The following GPM6A variants were observed in gnomAD, a reference collection of about 807,000 sequenced individuals.
The protein encoded by GPM6A is neuronal membrane glycoprotein M6-a.
Under a neutral mutation model 32.1 loss-of-function variants are expected in GPM6A, and 7 were observed. That is an observed-to-expected ratio of 0.22 (90% CI 0.12 to 0.41). The LOEUF (loss-of-function observed/expected upper bound fraction) is 0.41, where lower values mean the gene tolerates loss of function less well. GPM6A is among the 10% of genes least tolerant of loss of function. GPM6A has a pLI of 1.00. For synonymous variants in GPM6A, 130 were observed against 123.4 expected (o/e 1.05, Z -0.35); for missense variants, 235 against 347.2 (o/e 0.68, Z 2.57).
At chr4:175,765,955 A>G (rs920219824) in intron 1 of GPM6A, among the ~76,000 whole-genome samples, 11 of 152,320 alleles carry the variant, frequency 7.2e-5, no homozygotes, top group East Asian at 1.9e-4. Context: ...CTATTCATAC[A>G]TCATATTCTC....
At chr4:175,870,100 T>C (rs1736859751) in intron 1 of GPM6A, among the ~76,000 whole-genome samples, 1 of 152,340 alleles carries the variant, frequency 6.6e-6, no homozygotes, top group Non-Finnish European at 1.5e-5. Flanking sequence ...ATTGCCATAG[T>C]AGTATAGTGT....
intron 2 of GPM6A, among the ~76,000 whole-genome samples, chr4:175,688,290 AC>A (rs149773729): frequency 1.3e-5 from 2 of 152,264 alleles, no homozygotes; most frequent in East Asian, 3.9e-4. Flanking sequence ...AAAGGTATGA[AC>A]TTTTCTCCTA....
chr4:175,999,000 A>T (rs1317955088), intron 1 of GPM6A, among the ~76,000 whole-genome samples: 2 of 152,142 alleles, frequency 1.3e-5, no homozygotes, highest in Admixed American at 1.3e-4. Context: ...CCTTACTGCC[A>T]TGAGAAGGAG....
At chr4:175,772,907 C>T (rs188174010) in intron 1 of GPM6A, among the ~76,000 whole-genome samples, 62 of 152,180 alleles carry the variant, frequency 4.1e-4, no homozygotes, top group African/African-American at 1.4e-3. Context: ...TGCTTAAAAC[C>T]CAAAGCATTT....
intron 1 of GPM6A, among the ~76,000 whole-genome samples, chr4:175,847,997 G>A (rs1736140730): frequency 6.6e-6 from 1 of 152,136 alleles, no homozygotes; most frequent in Admixed American, 6.6e-5. Context: ...TCCTAACAAA[G>A]TACAATGTTC....
At chr4:175,862,425 C>A (rs1736602452) in intron 1 of GPM6A, among the ~76,000 whole-genome samples, 1 of 152,154 alleles carries the variant, frequency 6.6e-6, no homozygotes, top group Non-Finnish European at 1.5e-5. Context: ...TATTTTTGCT[C>A]AACATTATGT....
Position 175,673,799 on chromosome 4 carries a change from C to T in GPM6A, c.268G>A (p.Ala90Thr). 6 of 1,610,794 alleles carry T rather than the reference C, an allele frequency of 3.7e-6. No individual in the cohort carries two copies. Among genetic ancestry groups the T allele is most frequent in the Non-Finnish European group, 5.1e-6 (6 of 1,177,510 alleles). ...IFKYVIYGIA[A>T]AFFVYGILLM... ...AAAATGCCATACACAAAGAACGCAG[C>T]TGCGATGCCGTAGATCACATACTTA... The change falls in exon 3 of 7, where the codon GCT (alanine) becomes ACT (threonine). Residue 90 changes from alanine (A) to threonine (T), a missense_variant. Coordinates refer to ENST00000393658, the MANE Select transcript of GPM6A (RefSeq NM_201591.3).
intron 3 of GPM6A, among the ~76,000 whole-genome samples, chr4:175,663,790 T>G (rs1186925377): frequency 3.3e-5 from 5 of 150,420 alleles, no homozygotes; most frequent in Non-Finnish European, 7.4e-5. Flanking sequence ...ACGTCCTGGG[T>G]TCACGCCATT....
chr4:175,739,301 C>A (rs182852586), intron 1 of GPM6A, among the ~76,000 whole-genome samples: 1 of 152,182 alleles, frequency 6.6e-6, no homozygotes, highest in East Asian at 1.9e-4. Context: ...AATATAAATT[C>A]AATCGTCAAT....
At chr4:175,936,327 A>C (rs1269568872) in intron 1 of GPM6A, among the ~76,000 whole-genome samples, 3 of 149,862 alleles carry the variant, frequency 2.0e-5, no homozygotes, top group South Asian at 2.1e-4. Flanking sequence ...AAAAAAAAAA[A>C]AAAAAAAAAC....
chr4:175,653,107 C>T (rs1319666110), intron 3 of GPM6A, among the ~76,000 whole-genome samples: 1 of 152,056 alleles, frequency 6.6e-6, no homozygotes, highest in Non-Finnish European at 1.5e-5. Context: ...ACAAGTCAAA[C>T]TTATTCAATA....
At chr4:175,802,590 A>T (rs547109657) in intron 1 of GPM6A, among the ~76,000 whole-genome samples, 85 of 152,246 alleles carry the variant, frequency 5.6e-4, no homozygotes, top group Non-Finnish European at 1.0e-3. Flanking sequence ...ATTACTAAAC[A>T]TATCCTAGAA....
intron 2 of GPM6A, among the ~76,000 whole-genome samples, chr4:175,675,410 T>C (rs1176923054): frequency 6.6e-6 from 1 of 152,110 alleles, no homozygotes; most frequent in Non-Finnish European, 1.5e-5. Flanking sequence ...ACACTGGGAA[T>C]GTATTAATTA....
intron 1 of GPM6A, among the ~76,000 whole-genome samples, chr4:175,954,779 G>C (rs1036180933): frequency 2.0e-5 from 3 of 152,192 alleles, no homozygotes; most frequent in African/African-American, 7.2e-5. Flanking sequence ...ATTTGGACTT[G>C]GAGTATTTTC....
At chr4:175,962,805 A>C (rs1246833341) in intron 1 of GPM6A, among the ~76,000 whole-genome samples, 1 of 152,214 alleles carries the variant, frequency 6.6e-6, no homozygotes, top group Non-Finnish European at 1.5e-5. Context: ...CTAAAAGATA[A>C]ACAAAATTTA....
At chr4:175,710,039 C>T (rs1157107575) in intron 1 of GPM6A, among the ~76,000 whole-genome samples, 1 of 152,074 alleles carries the variant, frequency 6.6e-6, no homozygotes, top group Non-Finnish European at 1.5e-5. Context: ...AAAAGTGCAA[C>T]TCTGCTATGT....
rs190257879 is a variant in GPM6A at position 175,971,313 on chromosome 4, T to C, written c.-23+30996A>G. 5.3e-5 allele frequency among the ~76,000 whole-genome samples: 8 copies of C among 151,948 alleles called. No homozygotes were observed. The East Asian group carries it at 1.5e-3, about 29-fold the overall frequency. On this transcript the variant is annotated intron_variant, in intron 1 of 7. Transcript: ENST00000280187. ...TTCTGAAAAGGACCCGGTACCTGCCTTTAGGTTACTATGCATCAAAACCAA... is the reference window on the plus strand; with the variant it reads ...TTCTGAAAAGGACCCGGTACCTGCCCTTAGGTTACTATGCATCAAAACCAA...
At chr4:175,699,249 A>T (rs993809976) in intron 2 of GPM6A, among the ~76,000 whole-genome samples, 3 of 152,172 alleles carry the variant, frequency 2.0e-5, no homozygotes, top group African/African-American at 7.2e-5. Context: ...ACCTGCAATA[A>T]TCTAGAGCAT....
At chr4:175,700,311 A>C (rs1272823697) in intron 2 of GPM6A, among the ~76,000 whole-genome samples, 1 of 152,222 alleles carries the variant, frequency 6.6e-6, no homozygotes, top group Non-Finnish European at 1.5e-5. Flanking sequence ...TGTTCAAGAT[A>C]ATCTGCCTAA....
Sources: allele counts gnomAD v4.1 joint callset (sites outside exome capture counted in the v4.1 genomes callset), GRCh38; gene constraint gnomAD v4.1.1; transcripts MANE v1.5; gene names NCBI Gene and HGNC (gene_info 2026-07-23, HGNC 2026-07-21).